The following ARK2C variants were observed in gnomAD, a reference collection of about 807,000 sequenced individuals.
ARK2C encodes the protein arkadia (RNF111) C-terminal like ring finger ubiquitin ligase 2C, also known as E3 ubiquitin-protein ligase ARK2C.
At chr18:46,362,634 G>C in the ARK2C span, among the ~76,000 whole-genome samples, 656 of 152,366 alleles carry the variant, frequency 4.3e-3, 6 homozygotes, top group African/African-American at 0.015. Flanking sequence ...GCTATTTCCA[G>C]ACATATGGTT....
At chr18:46,431,053 C>T in the ARK2C span, among the ~76,000 whole-genome samples, 1 of 152,086 alleles carries the variant, frequency 6.6e-6, no homozygotes, top group Non-Finnish European at 1.5e-5. Context: ...TGCCCCCCAC[C>T]CCTGGACAGG....
the ARK2C span, among the ~76,000 whole-genome samples, chr18:46,376,920 G>C: frequency 1.3e-5 from 2 of 152,020 alleles, no homozygotes; most frequent in South Asian, 2.1e-4. Context: ...TGCCCGCCTC[G>C]GCATCTCAAA....
the ARK2C span, among the ~76,000 whole-genome samples, chr18:46,426,487 G>T: frequency 6.6e-6 from 1 of 152,166 alleles, no homozygotes; most frequent in Non-Finnish European, 1.5e-5. Flanking sequence ...CCAGGTGGGC[G>T]TCAGGCGAGC....
the ARK2C span, among the ~76,000 whole-genome samples, chr18:46,445,938 C>A: frequency 6.6e-6 from 1 of 151,370 alleles, no homozygotes; most frequent in Admixed American, 6.6e-5. Context: ...GTTGAAGAAT[C>A]CAGGCTGTTT....
chr18:46,385,857 A>G, the ARK2C span: 1 of 152,192 alleles, frequency 6.6e-6, no homozygotes, highest in Non-Finnish European at 1.5e-5. Flanking sequence ...CTGGTGAGGT[A>G]TCTGGGGCTG....
chr18:46,418,282 A>G, the ARK2C span, among the ~76,000 whole-genome samples: 801 of 152,176 alleles, frequency 5.3e-3, 5 homozygotes, highest in African/African-American at 0.019. Flanking sequence ...GCTTGAGCCC[A>G]GGAGACAGAA....
the ARK2C span, among the ~76,000 whole-genome samples, chr18:46,417,523 C>T: frequency 4.6e-5 from 7 of 152,248 alleles, no homozygotes; most frequent in East Asian, 1.9e-4. Context: ...CAGTCCTCAC[C>T]TTCTTCAGCT....
chr18:46,453,522 A>G, the ARK2C span, among the ~76,000 whole-genome samples: 1 of 152,190 alleles, frequency 6.6e-6, no homozygotes, highest in Non-Finnish European at 1.5e-5. Context: ...AAAAGAATTA[A>G]GGGAATAAAA....
chr18:46,425,102 C>T, the ARK2C span, among the ~76,000 whole-genome samples: 1 of 152,236 alleles, frequency 6.6e-6, no homozygotes, highest in East Asian at 1.9e-4. Flanking sequence ...CCTCCAGTGT[C>T]CCCTCCCTGT....
chr18:46,343,461 C>T, the ARK2C span, among the ~76,000 whole-genome samples: 15 of 152,238 alleles, frequency 9.9e-5, no homozygotes, highest in East Asian at 7.7e-4. Flanking sequence ...GGAAACAAGT[C>T]GAGAAGCCAG....
the ARK2C span, among the ~76,000 whole-genome samples, chr18:46,422,465 A>G: frequency 1.3e-5 from 2 of 152,338 alleles, no homozygotes; most frequent in African/African-American, 4.8e-5. Context: ...CCTGGGGGCC[A>G]TGTTGAGTAG....
the ARK2C span, among the ~76,000 whole-genome samples, chr18:46,438,995 C>G: frequency 6.6e-6 from 1 of 152,220 alleles, no homozygotes; most frequent in Non-Finnish European, 1.5e-5. Context: ...GGACAAGGAC[C>G]TGGGTCTTCT....
the ARK2C span, among the ~76,000 whole-genome samples, chr18:46,351,855 C>A: frequency 4.6e-5 from 7 of 152,150 alleles, no homozygotes; most frequent in African/African-American, 1.4e-4. Flanking sequence ...AACATTGCAG[C>A]CTCAGCAAAC....
At chr18:46,456,881 T>G in the ARK2C span, 1 of 491,218 alleles carries the variant, frequency 2.0e-6, no homozygotes, top group Non-Finnish European at 3.7e-6. Context: ...GAGCTGGCGG[T>G]GCCCAGCGCA....
chr18:46,386,164 C>T, the ARK2C span: 1 of 152,252 alleles, frequency 6.6e-6, no homozygotes, highest in African/African-American at 2.4e-5. Flanking sequence ...TACCTACATG[C>T]CAGGGTTTCT....
chr18:46,381,074 C>T, the ARK2C span, among the ~76,000 whole-genome samples: 2 of 152,244 alleles, frequency 1.3e-5, no homozygotes, highest in African/African-American at 2.4e-5. Context: ...CACTACTGCG[C>T]CTCAGTTTTT....
chr18:46,381,284 GT>G, the ARK2C span, among the ~76,000 whole-genome samples: 5 of 152,212 alleles, frequency 3.3e-5, no homozygotes, highest in Admixed American at 2.6e-4. Context: ...GAGGAGTCAG[GT>G]TCTGCCATGT....
the ARK2C span, among the ~76,000 whole-genome samples, chr18:46,421,476 A>G: frequency 1.3e-5 from 2 of 152,214 alleles, no homozygotes; most frequent in East Asian, 1.9e-4. Context: ...CTCTGCCTTC[A>G]TGGAGTGTAC....
chr18:46,348,072 G>A, the ARK2C span, among the ~76,000 whole-genome samples: 2 of 152,182 alleles, frequency 1.3e-5, no homozygotes, highest in Non-Finnish European at 2.9e-5. Context: ...GACAGACGCA[G>A]GAACAGCATG....
Sources: allele counts gnomAD v4.1 joint callset (sites outside exome capture counted in the v4.1 genomes callset), GRCh38; gene constraint gnomAD v4.1.1; transcripts MANE v1.5; gene names NCBI Gene and HGNC (gene_info 2026-07-23, HGNC 2026-07-21).